Variants in ZNF804A observed in about 807,000 individuals in gnomAD.
ZNF804A encodes zinc finger protein 804A.
In ZNF804A, 2 loss-of-function variants were observed where a neutral mutation model predicts 16.5. The observed-to-expected ratio is 0.12, with a 90% CI of 0.05 to 0.38. The LOEUF is 0.38. Among genes scored for constraint, ZNF804A ranks in the 10% least tolerant of loss-of-function variants. The pLI, the probability that ZNF804A is intolerant of heterozygous loss-of-function variation, is 0.99. For synonymous variants in ZNF804A, 534 were observed against 489.6 expected (o/e 1.09, Z -1.20); for missense variants, 1,473 against 1,390.7 (o/e 1.06, Z -0.94).
intron 1 of ZNF804A, among the ~76,000 whole-genome samples, chr2:184,665,414 C>T (rs1432053605): frequency 6.6e-6 from 1 of 152,196 alleles, no homozygotes; most frequent in East Asian, 1.9e-4. Flanking sequence ...AGAAGCTCAT[C>T]TACAGAAAGA....
intron 1 of ZNF804A, among the ~76,000 whole-genome samples, chr2:184,741,015 A>G (rs1461278920): frequency 6.6e-6 from 1 of 152,184 alleles, no homozygotes; most frequent in Non-Finnish European, 1.5e-5. Context: ...GAATTAAAGT[A>G]ATTTTAATTG....
chr2:184,793,698 G>A (rs149793259), intron 1 of ZNF804A, among the ~76,000 whole-genome samples: 2 of 152,198 alleles, frequency 1.3e-5, no homozygotes, highest in African/African-American at 4.8e-5. Flanking sequence ...CACCCAATTT[G>A]TAGTCTCTTC....
intron 1 of ZNF804A, among the ~76,000 whole-genome samples, chr2:184,651,034 C>A (rs1245050951): frequency 2.0e-5 from 3 of 152,066 alleles, no homozygotes; most frequent in Non-Finnish European, 4.4e-5. Context: ...TACCCAACTT[C>A]AAATTATACT....
chr2:184,749,048 A>G lies in ZNF804A; in HGVS notation c.112-117321A>G, dbSNP rs116537515. 3.0e-3 allele frequency among the ~76,000 whole-genome samples: 457 copies of G among 151,732 alleles called. 4 individuals are homozygous for G. The highest frequency in any genetic ancestry group is 0.011 in the African/African-American group (437 of 41,478). ...GCTTCTGGCTTTGATCTTTTTGCTT[A>G]TAATTGCCTTTGCTATTTGGGCTCC... On this transcript the variant is annotated intron_variant, in intron 1 of 3. Transcript: ENST00000302277.
chr2:184,893,239 C>T (rs1685014952), intron 2 of ZNF804A, among the ~76,000 whole-genome samples: 1 of 151,918 alleles, frequency 6.6e-6, no homozygotes, highest in Admixed American at 6.6e-5. Context: ...TGTGTTTGCT[C>T]CCTGATATAT....
At chr2:184,779,875 T>C (rs1252259568) in intron 1 of ZNF804A, among the ~76,000 whole-genome samples, 2 of 151,688 alleles carry the variant, frequency 1.3e-5, no homozygotes, top group Non-Finnish European at 3.0e-5. Context: ...CTAAATTTTG[T>C]GATGTGTAAA....
At chr2:184,883,990 CT>C (rs1684850010) in intron 2 of ZNF804A, among the ~76,000 whole-genome samples, 1 of 152,048 alleles carries the variant, frequency 6.6e-6, no homozygotes. Flanking sequence ...CAAAAGGCAT[CT>C]GGATAGCAAA....
chr2:184,904,435 C>A (rs974807706), intron 2 of ZNF804A, among the ~76,000 whole-genome samples: 1 of 152,020 alleles, frequency 6.6e-6, no homozygotes, highest in Admixed American at 6.6e-5. Flanking sequence ...CAGATAGAAG[C>A]TAAATAGTCG....
rs759414585 is a variant in ZNF804A at position 184,938,569 on chromosome 2, C to T, written c.3173C>T (p.Pro1058Leu). The T allele has an allele frequency of 3.1e-6, 5 of 1,614,086 alleles. 1 individual carries two copies. In the South Asian group the frequency reaches 5.5e-5, roughly 18 times the overall value. The change falls in exon 4 of 4, where the codon CCA (proline) becomes CTA (leucine). Residue 1058 changes from proline (P) to leucine (L), a missense_variant. Physicochemically the swap from Pro to Leu is moderately conservative, Grantham distance 98. Coordinates refer to ENST00000302277, the MANE Select transcript of ZNF804A (RefSeq NM_194250.2). ...GAGGTCTACCAGCACATTCTGCAGCCAAACATGCTGGCCAACAAGGTTAAA... is the reference window on the plus strand; with the variant it reads ...GAGGTCTACCAGCACATTCTGCAGCTAAACATGCTGGCCAACAAGGTTAAA... ...PCEVYQHILQPNMLANKVKFT... is the reference protein window; with the variant it reads ...PCEVYQHILQLNMLANKVKFT...
Position 184,889,065 on chromosome 2 carries a change from C to T in ZNF804A, c.255+22553C>T, listed in dbSNP as rs1277562189. 3.3e-5 allele frequency among the ~76,000 whole-genome samples: 5 copies of T among 151,946 alleles called. No homozygotes were observed. The South Asian group carries it at 8.3e-4, about 25-fold the overall frequency. On this transcript the variant is annotated intron_variant, in intron 2 of 3. Transcript: ENST00000302277. The stretch of plus-strand genomic sequence containing the variant: ...CATTTTGCCCTCCACATTATTCACT[C>T]CAACATTGTCAACAGCATGTACTTT...
At chr2:184,731,761 G>A (rs1157758319) in intron 1 of ZNF804A, among the ~76,000 whole-genome samples, 4 of 151,806 alleles carry the variant, frequency 2.6e-5, no homozygotes, top group African/African-American at 4.8e-5. Flanking sequence ...TTTCTGTAGA[G>A]ATGATGTCTC....
chr2:184,813,837 TA>T (rs1694935298), intron 1 of ZNF804A, among the ~76,000 whole-genome samples: 1 of 151,898 alleles, frequency 6.6e-6, no homozygotes, highest in Admixed American at 6.6e-5. Flanking sequence ...TCTTTCCTCA[TA>T]AAACTTTCTT....
chr2:184,811,652 G>A (rs928801403), intron 1 of ZNF804A, among the ~76,000 whole-genome samples: 1 of 152,106 alleles, frequency 6.6e-6, no homozygotes, highest in Non-Finnish European at 1.5e-5. Context: ...GTTTGAGACT[G>A]CAATGTGCAA....
intron 1 of ZNF804A, among the ~76,000 whole-genome samples, chr2:184,695,841 T>C (rs1240622502): frequency 6.6e-6 from 1 of 152,224 alleles, no homozygotes; most frequent in African/African-American, 2.4e-5. Flanking sequence ...TATATATTTT[T>C]ACTAATCATT....
intron 1 of ZNF804A, among the ~76,000 whole-genome samples, chr2:184,861,394 T>C (rs1373276599): frequency 6.6e-6 from 1 of 152,204 alleles, no homozygotes; most frequent in African/African-American, 2.4e-5. Context: ...TGTGTGTGAA[T>C]AGTTGTTTAA....
chr2:184,815,794 A>G (rs1230762926), intron 1 of ZNF804A, among the ~76,000 whole-genome samples: 2 of 152,038 alleles, frequency 1.3e-5, no homozygotes, highest in South Asian at 4.1e-4. Context: ...ACATCTTACA[A>G]TGAATGAAAT....
intron 1 of ZNF804A, among the ~76,000 whole-genome samples, chr2:184,661,838 A>C (rs1180373390): frequency 1.3e-5 from 2 of 152,226 alleles, no homozygotes; most frequent in African/African-American, 2.4e-5. Flanking sequence ...ATTAAATTTT[A>C]ACATGTTATT....
chr2:184,806,698 T>A (rs1022232283), intron 1 of ZNF804A, among the ~76,000 whole-genome samples: 12 of 151,976 alleles, frequency 7.9e-5, no homozygotes, highest in Middle Eastern at 3.4e-3. Context: ...GTGACATACA[T>A]CATCCCTACA....
chr2:184,847,711 A>G (rs978212040), intron 1 of ZNF804A, among the ~76,000 whole-genome samples: 3 of 152,044 alleles, frequency 2.0e-5, no homozygotes, highest in Non-Finnish European at 4.4e-5. Flanking sequence ...GAGTCCCATA[A>G]GACTGTTCCC....
Sources: allele counts gnomAD v4.1 joint callset (sites outside exome capture counted in the v4.1 genomes callset), GRCh38; gene constraint gnomAD v4.1.1; transcripts MANE v1.5; gene names NCBI Gene and HGNC (gene_info 2026-07-23, HGNC 2026-07-21).